The following ETV6 variants were observed in gnomAD, a reference collection of about 807,000 sequenced individuals.
The protein encoded by ETV6 is transcription factor ETV6.
Under a neutral mutation model 51.1 loss-of-function variants are expected in ETV6, and 16 were observed. The observed-to-expected ratio is 0.31, with a 90% CI of 0.21 to 0.48. ETV6 has a LOEUF of 0.48. ETV6 is among the 20% of genes least tolerant of loss of function. ETV6 has a pLI of 0.99. For synonymous variants in ETV6, 240 were observed against 224.1 expected (o/e 1.07, Z -0.64); for missense variants, 458 against 594.8 (o/e 0.77, Z 2.39).
At chr12:11,724,684 A>G (rs1295114557) in intron 1 of ETV6, among the ~76,000 whole-genome samples, 29 of 152,248 alleles carry the variant, frequency 1.9e-4, no homozygotes, top group Admixed American at 1.8e-3. Context: ...CTGAAAAATA[A>G]TAAGCCTTAG....
At chr12:11,806,377 G>A (rs978139732) in intron 2 of ETV6, among the ~76,000 whole-genome samples, 2 of 152,196 alleles carry the variant, frequency 1.3e-5, no homozygotes, top group East Asian at 1.9e-4. Flanking sequence ...GCAATTAGAG[G>A]TTAAAGGATA....
intron 2 of ETV6, among the ~76,000 whole-genome samples, chr12:11,837,011 A>G (rs1269047231): frequency 6.6e-6 from 1 of 152,210 alleles, no homozygotes; most frequent in East Asian, 1.9e-4. Context: ...CACCATTGAC[A>G]GTAAGGAGTT....
At chr12:11,719,600 A>G (rs1412579257) in intron 1 of ETV6, among the ~76,000 whole-genome samples, 1 of 152,256 alleles carries the variant, frequency 6.6e-6, no homozygotes, top group Non-Finnish European at 1.5e-5. Flanking sequence ...AGATGCATTT[A>G]TCTCTGGCCA....
chr12:11,891,656 C>T lies in ETV6; in HGVS notation c.*610C>T, dbSNP rs1947289479. 1.9e-6 allele frequency: 1 copy of T among 520,128 alleles called. No homozygotes were observed. The highest frequency in any genetic ancestry group is 1.6e-5 in the South Asian group (1 of 61,842). The allele number at this position is 520,128 out of a possible 1,614,324, so 32.2% of individuals were successfully genotyped here. On this transcript the variant is annotated 3_prime_UTR_variant, in exon 8 of 8. Coordinates refer to ENST00000396373, the MANE Select transcript of ETV6 (RefSeq NM_001987.5). ...ATGAAAAGGAGAGCTCTCTTTTTCT[C>T]TCTCTTGCTCTGTTCTTCCCTTGGT...
intron 2 of ETV6, among the ~76,000 whole-genome samples, chr12:11,833,509 T>C (rs1195072288): frequency 6.6e-6 from 1 of 152,256 alleles, no homozygotes; most frequent in South Asian, 2.1e-4. Context: ...TTTGATATCC[T>C]GCCAAAACAC....
intron 1 of ETV6, among the ~76,000 whole-genome samples, chr12:11,659,766 C>T (rs1433999430): frequency 2.0e-5 from 3 of 152,176 alleles, no homozygotes; most frequent in African/African-American, 7.2e-5. Flanking sequence ...CCAGTACTTT[C>T]TCTTGTTTCC....
chr12:11,753,127 A>C (rs1326241116), intron 2 of ETV6, among the ~76,000 whole-genome samples: 5 of 146,186 alleles, frequency 3.4e-5, no homozygotes, highest in Admixed American at 6.8e-5. Flanking sequence ...CTTCACCTCC[A>C]CTCTCTCTTG....
intron 1 of ETV6, among the ~76,000 whole-genome samples, chr12:11,703,185 G>A (rs1865014483): frequency 6.6e-6 from 1 of 152,158 alleles, no homozygotes; most frequent in Non-Finnish European, 1.5e-5. Context: ...CTTGCTACAG[G>A]TACTGAAAGA....
At chr12:11,695,882 T>A (rs1473552326) in intron 1 of ETV6, among the ~76,000 whole-genome samples, 1 of 152,206 alleles carries the variant, frequency 6.6e-6, no homozygotes, top group African/African-American at 2.4e-5. Context: ...TTTTTCCATA[T>A]CACCAGTGAC....
chr12:11,876,181 A>C (rs983398035), intron 5 of ETV6, among the ~76,000 whole-genome samples: 2 of 152,246 alleles, frequency 1.3e-5, no homozygotes, highest in African/African-American at 4.8e-5. Flanking sequence ...TTTTCAGACC[A>C]ACCAGAATAG....
chr12:11,830,492 G>A (rs1228097140), intron 2 of ETV6, among the ~76,000 whole-genome samples: 2 of 152,218 alleles, frequency 1.3e-5, no homozygotes, highest in East Asian at 3.8e-4. Flanking sequence ...AATAGATGAT[G>A]GCATGACATG....
chr12:11,759,689 A>G (rs1309368054), intron 2 of ETV6, among the ~76,000 whole-genome samples: 2 of 152,120 alleles, frequency 1.3e-5, no homozygotes, highest in Non-Finnish European at 2.9e-5. Flanking sequence ...CCGCAGATTG[A>G]GGAGTTCCTG....
At chr12:11,784,357 G>A (rs1945451143) in intron 2 of ETV6, among the ~76,000 whole-genome samples, 1 of 152,070 alleles carries the variant, frequency 6.6e-6, no homozygotes, top group South Asian at 2.1e-4. Context: ...AACCTGGGAG[G>A]CTGAGGTGGG....
chr12:11,724,948 G>C (rs1249498617), intron 1 of ETV6, among the ~76,000 whole-genome samples: 2 of 152,226 alleles, frequency 1.3e-5, no homozygotes, highest in African/African-American at 4.8e-5. Flanking sequence ...CAGACACATA[G>C]GTCTTATCCT....
intron 3 of ETV6, among the ~76,000 whole-genome samples, chr12:11,848,128 C>A (rs1946491313): frequency 6.6e-6 from 1 of 152,184 alleles, no homozygotes; most frequent in African/African-American, 2.4e-5. Flanking sequence ...GCAAGAGACA[C>A]CATCCATTGA....
rs1447468357 is a variant in ETV6, at chr12:11,892,985, C to T, written c.*1939C>T. 4.3e-6 allele frequency: 1 copy of T among 232,916 alleles called. No homozygotes were observed. Among genetic ancestry groups the T allele is most frequent in the African/African-American group, 2.2e-5 (1 of 45,294 alleles). 14.4% of individuals were successfully genotyped at this position (232,916 alleles called of 1,614,324 possible). ...AGCCCACTCCTACTGTCACAGGCGCCCCACCATTCAACCTTCCGGGAGGTC... is the reference window on the plus strand; with the variant it reads ...AGCCCACTCCTACTGTCACAGGCGCTCCACCATTCAACCTTCCGGGAGGTC... On this transcript the variant is annotated 3_prime_UTR_variant, in exon 8 of 8. Coordinates refer to ENST00000396373, the MANE Select transcript of ETV6 (RefSeq NM_001987.5).
At chr12:11,777,239 CA>C (rs5796465) in intron 2 of ETV6, among the ~76,000 whole-genome samples, 1,510 of 78,844 alleles carry the variant, frequency 0.019, 13 homozygotes, top group African/African-American at 0.075. Flanking sequence ...GACTCCGTGT[CA>C]AAAAAAAAAA....
At chr12:11,782,890 C>T (rs1195600212) in intron 2 of ETV6, among the ~76,000 whole-genome samples, 2 of 152,112 alleles carry the variant, frequency 1.3e-5, no homozygotes, top group African/African-American at 4.8e-5. Context: ...CATCTATTGA[C>T]TGGCTAAAGA....
chr12:11,675,285 T>G (rs1864401409), intron 1 of ETV6, among the ~76,000 whole-genome samples: 1 of 152,172 alleles, frequency 6.6e-6, no homozygotes, highest in Admixed American at 6.5e-5. Flanking sequence ...GTACTTCTGC[T>G]ACAAAGAGCA....
Sources: allele counts gnomAD v4.1 joint callset (sites outside exome capture counted in the v4.1 genomes callset), GRCh38; gene constraint gnomAD v4.1.1; transcripts MANE v1.5; gene names NCBI Gene and HGNC (gene_info 2026-07-23, HGNC 2026-07-21).